Variants in NALCN observed in about 807,000 individuals in gnomAD.
NALCN encodes sodium leak channel, non-selective, also known as sodium leak channel NALCN.
A neutral mutation model predicts 225.3 loss-of-function variants in NALCN; 111 were observed. That is an observed-to-expected ratio of 0.49 (90% CI 0.42 to 0.58). NALCN has a LOEUF of 0.58. Ranked by LOEUF, NALCN falls within the 20% of genes least tolerant of loss-of-function variation. The probability of loss-of-function intolerance (pLI) is 0.00; values close to 1 mark genes in which losing one functional copy is unlikely to be tolerated. For missense variants in NALCN, 1,378 were observed against 2,202.4 expected (o/e 0.63, Z 7.49); for synonymous variants, 764 against 769.0 (o/e 0.99, Z 0.11).
At chr13:101,291,939 AG>A in intron 9 of NALCN, 50 bp downstream of exon 9, 1 of 1,559,422 alleles carries the variant, frequency 6.4e-7, no homozygotes, top group Non-Finnish European at 8.8e-7. Flanking sequence ...GGTGAGGGTG[AG>A]ACATGTGCAT....
intron 15 of NALCN, among the ~76,000 whole-genome samples, chr13:101,159,614 G>A (rs2038064182): frequency 6.6e-6 from 1 of 152,190 alleles, no homozygotes; most frequent in East Asian, 1.9e-4. Flanking sequence ...GAAGTATACA[G>A]CTACAGGTGT....
At chr13:101,097,427 C>G (rs573688812) in intron 27 of NALCN, among the ~76,000 whole-genome samples, 1 of 152,160 alleles carries the variant, frequency 6.6e-6, no homozygotes, top group East Asian at 1.9e-4. Flanking sequence ...TATAAAGGTC[C>G]CTTGACATAT....
At chr13:101,365,662 G>A (rs550901496) in intron 6 of NALCN, among the ~76,000 whole-genome samples, 1 of 151,980 alleles carries the variant, frequency 6.6e-6, no homozygotes, top group Non-Finnish European at 1.5e-5. Flanking sequence ...CCTGGGCAAG[G>A]TGACCATAAA....
chr13:101,210,911 G>C (rs531820718), intron 13 of NALCN, among the ~76,000 whole-genome samples: 1 of 152,294 alleles, frequency 6.6e-6, no homozygotes, highest in South Asian at 2.1e-4. Flanking sequence ...GTAGCCATGA[G>C]AGACTGACAA....
intron 6 of NALCN, among the ~76,000 whole-genome samples, chr13:101,372,040 A>G (rs546498707): frequency 1.8e-4 from 27 of 152,320 alleles, no homozygotes; most frequent in African/African-American, 6.0e-4. Flanking sequence ...AGTTATGATT[A>G]CTGAAAAATT....
chr13:101,076,589 A>C (rs1162744259), intron 34 of NALCN, among the ~76,000 whole-genome samples: 1 of 152,212 alleles, frequency 6.6e-6, no homozygotes, highest in African/African-American at 2.4e-5. Context: ...AGGCTTGCCT[A>C]GCCAAATGAT....
intron 14 of NALCN, among the ~76,000 whole-genome samples, chr13:101,186,975 G>A (rs1455485540): frequency 6.6e-6 from 1 of 152,108 alleles, no homozygotes; most frequent in Non-Finnish European, 1.5e-5. Context: ...AAAACCGATA[G>A]TTTTGACCTA....
At chr13:101,320,627 A>C (rs1388939419) in intron 7 of NALCN, among the ~76,000 whole-genome samples, 1 of 152,152 alleles carries the variant, frequency 6.6e-6, no homozygotes, top group African/African-American at 2.4e-5. Context: ...ACTGCCTTTC[A>C]AGACACCGAG....
At chr13:101,370,119 A>G (rs2046495572) in intron 6 of NALCN, among the ~76,000 whole-genome samples, 1 of 152,168 alleles carries the variant, frequency 6.6e-6, no homozygotes, top group Non-Finnish European at 1.5e-5. Context: ...CTGTGTTAGG[A>G]TACTAGGTAG....
chr13:101,139,301 C>T (rs180672548), intron 17 of NALCN, among the ~76,000 whole-genome samples: 10 of 152,278 alleles, frequency 6.6e-5, no homozygotes, highest in African/African-American at 2.2e-4. Context: ...AATGCTTCAT[C>T]AAACCCCAGC....
At chr13:101,413,880 A>G (rs1456722013) in intron 1 of NALCN, among the ~76,000 whole-genome samples, 2 of 152,112 alleles carry the variant, frequency 1.3e-5, no homozygotes, top group Admixed American at 6.5e-5. Flanking sequence ...GGACAGGGGC[A>G]TTCTTTTTTT....
chr13:101,111,002 G>T, intron 19 of NALCN, 123 bp downstream of exon 19: 2 of 910,382 alleles, frequency 2.2e-6, no homozygotes, highest in Non-Finnish European at 3.4e-6. Context: ...CAAATAGAAC[G>T]CGATTCCTCA....
chr13:101,096,274 G>A (rs1349206340), intron 27 of NALCN, among the ~76,000 whole-genome samples: 1 of 152,102 alleles, frequency 6.6e-6, no homozygotes, highest in Non-Finnish European at 1.5e-5. Context: ...TGTATAAAAT[G>A]TTTATATAAG....
intron 7 of NALCN, among the ~76,000 whole-genome samples, chr13:101,297,518 C>T (rs538109786): frequency 6.6e-6 from 1 of 152,338 alleles, no homozygotes; most frequent in South Asian, 2.1e-4. Flanking sequence ...GGATATGGAA[C>T]ACCCCATCTT....
intron 14 of NALCN, among the ~76,000 whole-genome samples, chr13:101,181,858 G>T (rs1299767317): frequency 6.6e-6 from 1 of 152,190 alleles, no homozygotes; most frequent in Non-Finnish European, 1.5e-5. Flanking sequence ...TTCTAGCCGG[G>T]TGCAGTGGCT....
At chr13:101,160,677 T>A (rs1429799525) in intron 15 of NALCN, among the ~76,000 whole-genome samples, 3 of 152,200 alleles carry the variant, frequency 2.0e-5, no homozygotes, top group Admixed American at 6.5e-5. Flanking sequence ...TTTTTTTTTA[T>A]GAAGGTGTTT....
At chr13:101,410,342 A>T (rs75921936) in intron 1 of NALCN, among the ~76,000 whole-genome samples, 3,260 of 152,314 alleles carry the variant, frequency 0.021, 107 homozygotes, top group East Asian at 0.11. Context: ...AGAAGAGAAC[A>T]CTTAGAGAGT....
chr13:101,405,488 C>T (rs559057240), intron 1 of NALCN, among the ~76,000 whole-genome samples: 1 of 152,308 alleles, frequency 6.6e-6, no homozygotes, highest in South Asian at 2.1e-4. Flanking sequence ...ATACCTGCAC[C>T]TCCCTCTGCC....
At chr13:101,121,501 T>G (rs2035970810) in intron 18 of NALCN, among the ~76,000 whole-genome samples, 1 of 152,152 alleles carries the variant, frequency 6.6e-6, no homozygotes, top group Non-Finnish European at 1.5e-5. Context: ...CCAGCTCAGG[T>G]CTCTTTTTCA....
Sources: gnomAD v4.1 joint callset for allele counts (sites outside exome capture counted in the v4.1 genomes callset) on GRCh38, gnomAD v4.1.1 for gene constraint, MANE v1.5 for transcripts, NCBI Gene and HGNC (gene_info 2026-07-23, HGNC 2026-07-21) for gene names.